PLXNA4: variants seen among roughly 807,000 people sequenced by gnomAD.
The protein encoded by PLXNA4 is plexin A4.
PLXNA4 carries 44 observed loss-of-function variants against 191.8 expected under a neutral mutation model. That is an observed-to-expected ratio of 0.23 (90% CI 0.18 to 0.29). The LOEUF (loss-of-function observed/expected upper bound fraction) is 0.29, where lower values mean the gene tolerates loss of function less well. Ranked by LOEUF, PLXNA4 falls within the 10% of genes least tolerant of loss-of-function variation. The pLI is 1.00. For missense variants in PLXNA4, 1,800 were observed against 2,488.8 expected, an observed-to-expected ratio of 0.72 and a Z score of 5.89; for synonymous variants, 1,082 against 1,009.5, an observed-to-expected ratio of 1.07 and a Z score of -1.36.
chr7:132,182,915 C>A (rs1796757735), intron 16 of PLXNA4, among the ~76,000 whole-genome samples: 1 of 152,072 alleles, frequency 6.6e-6, no homozygotes, highest in Admixed American at 6.5e-5. Flanking sequence ...GATGCCAGTG[C>A]CTATCCTTAG....
intron 2 of PLXNA4, among the ~76,000 whole-genome samples, chr7:132,591,978 G>A (rs549520333): frequency 9.9e-5 from 15 of 152,100 alleles, no homozygotes; most frequent in Non-Finnish European, 2.1e-4. Flanking sequence ...TTCATCTTCC[G>A]TATGTGTCTT....
chr7:132,568,281 T>C (rs12539628), intron 1 of PLXNA4, among the ~76,000 whole-genome samples: 5,813 of 152,268 alleles, frequency 0.038, 260 homozygotes, highest in African/African-American at 0.1. Context: ...CACACCACTA[T>C]GCGGAAGGCT....
At chr7:132,565,758 G>GA (rs1801692950) in intron 1 of PLXNA4, among the ~76,000 whole-genome samples, 1 of 150,288 alleles carries the variant, frequency 6.7e-6, no homozygotes, top group Non-Finnish European at 1.5e-5. Context: ...TCCTTTTTTT[G>GA]AAAAAAGAAA....
chr7:132,223,259 A>C (rs1013704654), intron 9 of PLXNA4, among the ~76,000 whole-genome samples: 4 of 152,140 alleles, frequency 2.6e-5, no homozygotes, highest in African/African-American at 9.7e-5. Flanking sequence ...TCTAGGACCC[A>C]CCTGGTGTGT....
At chr7:132,335,146 T>C (rs745505231) in intron 3 of PLXNA4, among the ~76,000 whole-genome samples, 18 of 152,230 alleles carry the variant, frequency 1.2e-4, no homozygotes, top group Non-Finnish European at 2.5e-4. Flanking sequence ...CAAAATCTAT[T>C]GTTTAGTGAC....
At chr7:132,174,042 G>A (rs1796373590) in intron 21 of PLXNA4, among the ~76,000 whole-genome samples, 2 of 152,194 alleles carry the variant, frequency 1.3e-5, no homozygotes, top group Non-Finnish European at 2.9e-5. Context: ...ATGAATGAAA[G>A]CATGCAAAGG....
intron 2 of PLXNA4, among the ~76,000 whole-genome samples, chr7:132,626,036 T>G (rs1178765605): frequency 6.6e-6 from 1 of 152,212 alleles, no homozygotes; most frequent in Admixed American, 6.5e-5. Flanking sequence ...TATCCCAAAC[T>G]GAATTCATCA....
chr7:132,564,061 C>A (rs1262036753), intron 1 of PLXNA4, among the ~76,000 whole-genome samples: 2 of 110,452 alleles, frequency 1.8e-5, no homozygotes, highest in Non-Finnish European at 3.7e-5. Context: ...CCTCTTTCTC[C>A]TCCTCCTTCT....
intron 29 of PLXNA4, among the ~76,000 whole-genome samples, chr7:132,141,885 A>G (rs947366237): frequency 2.0e-5 from 3 of 152,022 alleles, no homozygotes; most frequent in African/African-American, 7.3e-5. Flanking sequence ...AGCCATCACC[A>G]CACTCAGCTA....
At chr7:132,478,485 G>A (rs1158049544) in intron 3 of PLXNA4, among the ~76,000 whole-genome samples, 1 of 152,216 alleles carries the variant, frequency 6.6e-6, no homozygotes, top group Non-Finnish European at 1.5e-5. Context: ...AAAAGGGACA[G>A]AGCTGAATTA....
chr7:132,146,217 T>C (rs139711164), intron 28 of PLXNA4, among the ~76,000 whole-genome samples: 149 of 151,668 alleles, frequency 9.8e-4, no homozygotes, highest in African/African-American at 3.6e-3. Context: ...CAGAAGAATG[T>C]GAAAAGAGGC....
At position 132,161,195 on chromosome 7, in the gene PLXNA4, C is replaced by T. The variant is rs898930870; in HGVS notation, c.4501-1563G>A. 1.1e-4 allele frequency among the ~76,000 whole-genome samples: 17 copies of T among 152,236 alleles called. 1 individual carries two copies. The highest frequency in any genetic ancestry group is 3.9e-4 in the African/African-American group (16 of 41,474). On this transcript the variant is annotated intron_variant, in intron 24 of 31. Transcript: ENST00000321063. ...TCCCAAGACAGCAACACAGCTTGCC[C>T]TGGGCTTCCTCCTCTGAGGGACCCA...
At chr7:132,598,385 A>G (rs1646535785) in intron 2 of PLXNA4, among the ~76,000 whole-genome samples, 1 of 152,234 alleles carries the variant, frequency 6.6e-6, no homozygotes, top group East Asian at 1.9e-4. Flanking sequence ...CTGGGATTAC[A>G]GGCGTGAGCC....
intron 2 of PLXNA4, among the ~76,000 whole-genome samples, chr7:132,628,705 C>A (rs1803433010): frequency 6.6e-6 from 1 of 152,002 alleles, no homozygotes; most frequent in Non-Finnish European, 1.5e-5. Context: ...TGTCTTGTAA[C>A]TTTCTGGTTA....
chr7:132,502,032 A>G (rs1798276993), intron 2 of PLXNA4, among the ~76,000 whole-genome samples: 1 of 152,218 alleles, frequency 6.6e-6, no homozygotes. Context: ...ATACAACCCC[A>G]TCAAGTCTGA....
intron 3 of PLXNA4, among the ~76,000 whole-genome samples, chr7:132,372,626 T>A (rs1407080691): frequency 6.6e-6 from 1 of 152,174 alleles, no homozygotes; most frequent in Non-Finnish European, 1.5e-5. Flanking sequence ...CTCCCACACC[T>A]CACACACTGG....
intron 20 of PLXNA4, among the ~76,000 whole-genome samples, chr7:132,176,558 A>G (rs1266390119): frequency 6.6e-6 from 1 of 151,874 alleles, no homozygotes; most frequent in Non-Finnish European, 1.5e-5. Context: ...GTGTGTGAGC[A>G]TGTCAGGGAG....
rs562197195 is a variant in PLXNA4, at chr7:132,425,099, C to A, written c.1371+64193G>T. On this transcript the variant is annotated intron_variant, in intron 3 of 31. Coordinates refer to ENST00000321063, the MANE Select transcript of PLXNA4 (RefSeq NM_020911.2). ...AACCATTCCTGGACCCTCCGCACTG[C>A]CAAGTCTGTAAAAGAGCAGGCGCCT... Among the ~76,000 whole-genome samples the A allele has an allele frequency of 3.3e-5, 5 of 152,332 alleles. No homozygotes were observed. In the South Asian group the frequency reaches 8.3e-4, roughly 25 times the overall value.
intron 3 of PLXNA4, among the ~76,000 whole-genome samples, chr7:132,443,372 C>A (rs1277573752): frequency 6.6e-6 from 1 of 152,200 alleles, no homozygotes. Context: ...AGTCGCACTG[C>A]CTGAAGTTTA....
Sources: gnomAD v4.1 joint callset for allele counts (sites outside exome capture counted in the v4.1 genomes callset) on GRCh38, gnomAD v4.1.1 for gene constraint, MANE v1.5 for transcripts, NCBI Gene and HGNC (gene_info 2026-07-23, HGNC 2026-07-21) for gene names.